TMCO5A: variants seen among roughly 807,000 people sequenced by gnomAD.
The protein encoded by TMCO5A is transmembrane and coiled-coil domain-containing protein 5A.
TMCO5A carries 34 observed loss-of-function variants against 42.3 expected under a neutral mutation model. The ratio of observed to expected loss-of-function variants is 0.80; its 90% CI spans 0.61 to 1.07. The LOEUF (loss-of-function observed/expected upper bound fraction) is 1.07, where lower values mean the gene tolerates loss of function less well. Ranked by LOEUF, TMCO5A falls within the 50% of genes least tolerant of loss-of-function variation. The pLI, the probability that TMCO5A is intolerant of heterozygous loss-of-function variation, is 0.00. For missense variants in TMCO5A, 357 were observed against 327.9 expected (o/e 1.09, Z -0.69); for synonymous variants, 131 against 115.6 (o/e 1.13, Z -0.86).
chr15:37,963,761 T>C (rs1890488637), intron 11 of TMCO5A, among the ~76,000 whole-genome samples: 1 of 152,186 alleles, frequency 6.6e-6, no homozygotes, highest in Admixed American at 6.6e-5. Flanking sequence ...TGTTTAGGAT[T>C]GTGATATTTT....
intron 10 of TMCO5A, among the ~76,000 whole-genome samples, chr15:37,946,986 G>T (rs1385466742): frequency 2.0e-5 from 3 of 151,976 alleles, no homozygotes; most frequent in Admixed American, 2.0e-4. Flanking sequence ...ATTGGCTGTG[G>T]ATTTGTCATA....
chr15:37,954,396 A>G (rs888809766), downstream of TMCO5A, among the ~76,000 whole-genome samples: 2 of 152,152 alleles, frequency 1.3e-5, no homozygotes, highest in African/African-American at 4.8e-5. Flanking sequence ...GGAGACTGCC[A>G]TGATATATTT....
intron 6 of TMCO5A, 84 bp from the exon 7 acceptor site, chr15:37,941,065 C>T (rs1889720622): frequency 3.7e-6 from 5 of 1,338,114 alleles, no homozygotes; most frequent in Non-Finnish European, 3.2e-6. Flanking sequence ...CTCCTCACAG[C>T]TCGTGAGGCC....
intron 11 of TMCO5A, among the ~76,000 whole-genome samples, chr15:37,966,131 T>C (rs1243099598): frequency 6.6e-6 from 1 of 152,144 alleles, no homozygotes; most frequent in African/African-American, 2.4e-5. Flanking sequence ...TTATGCTAAA[T>C]GAAATTACCC....
At chr15:37,950,009 T>C (rs772985376) in intron 11 of TMCO5A, among the ~76,000 whole-genome samples, 2 of 152,312 alleles carry the variant, frequency 1.3e-5, no homozygotes, top group South Asian at 4.1e-4. Context: ...CCTCACTGCA[T>C]AGACCCTTCC....
chr15:38,005,395 CA>C, the TMCO5A span, among the ~76,000 whole-genome samples: 1,983 of 43,988 alleles, frequency 0.045, 53 homozygotes, highest in African/African-American at 0.15. Flanking sequence ...CCATCTCTAC[CA>C]AAAAAAAAAA....
At chr15:37,961,416 C>A (rs1206541058) in intron 11 of TMCO5A, among the ~76,000 whole-genome samples, 1 of 152,128 alleles carries the variant, frequency 6.6e-6, no homozygotes, top group Non-Finnish European at 1.5e-5. Context: ...ATTTTTATAC[C>A]AGTACCATGC....
At chr15:37,993,063 TTC>T in the TMCO5A span, among the ~76,000 whole-genome samples, 3 of 152,148 alleles carry the variant, frequency 2.0e-5, no homozygotes, top group Admixed American at 1.3e-4. Flanking sequence ...GCTCCAAAAT[TTC>T]TTTTTAGTTT....
intron 2 of TMCO5A, among the ~76,000 whole-genome samples, chr15:37,935,566 A>T (rs907954581): frequency 6.6e-6 from 1 of 152,156 alleles, no homozygotes; most frequent in Non-Finnish European, 1.5e-5. Flanking sequence ...TCACTGTGCT[A>T]ATAGTGGTTA....
At chr15:37,970,243 A>G (rs1890648693), downstream of TMCO5A, among the ~76,000 whole-genome samples, 1 of 152,232 alleles carries the variant, frequency 6.6e-6, no homozygotes, top group Non-Finnish European at 1.5e-5. Flanking sequence ...GGGAGGCCTC[A>G]CAATCATAAT....
chr15:37,952,338 C>T (rs1890179904), downstream of TMCO5A, among the ~76,000 whole-genome samples: 1 of 152,020 alleles, frequency 6.6e-6, no homozygotes, highest in African/African-American at 2.4e-5. Flanking sequence ...TCAAGGAGGA[C>T]TCAAGTTGGG....
At position 37,936,989 on chromosome 15, in the gene TMCO5A, A is replaced by G. The variant is rs779704010; in HGVS notation, c.264+19A>G. 4 of 1,611,256 alleles carry G rather than the reference A, an allele frequency of 2.5e-6. No homozygotes were observed. The South Asian group carries it at 4.4e-5, about 18-fold the overall frequency. Reference sequence around the variant, plus strand: ...CAGACTTGTAAGCAAGAAGTTGGGAAGAGCCATTTAATAGGTTGCATTCCT... The same window carrying G: ...CAGACTTGTAAGCAAGAAGTTGGGAGGAGCCATTTAATAGGTTGCATTCCT... On this transcript the variant is annotated intron_variant, in intron 4 of 11. Coordinates refer to ENST00000319669, the MANE Select transcript of TMCO5A (RefSeq NM_152453.4).
the TMCO5A span, among the ~76,000 whole-genome samples, chr15:38,032,814 G>A: frequency 7.8e-4 from 119 of 152,102 alleles, no homozygotes; most frequent in Non-Finnish European, 1.3e-3. Context: ...CATTTTGTAT[G>A]CTTTGTGGAT....
chr15:37,958,820 G>A (rs966939698), intron 11 of TMCO5A, among the ~76,000 whole-genome samples: 1 of 151,986 alleles, frequency 6.6e-6, no homozygotes, highest in African/African-American at 2.4e-5. Context: ...ACATGCACAC[G>A]TATGTTTACT....
chr15:37,941,953 A>G (rs890613420), intron 8 of TMCO5A, among the ~76,000 whole-genome samples: 9 of 152,048 alleles, frequency 5.9e-5, no homozygotes, highest in African/African-American at 1.9e-4. Flanking sequence ...CTGTGCTGTT[A>G]AGTTAATAAT....
chr15:37,984,438 T>C, the TMCO5A span, among the ~76,000 whole-genome samples: 1 of 152,154 alleles, frequency 6.6e-6, no homozygotes, highest in Non-Finnish European at 1.5e-5. Flanking sequence ...TGTTAGAATA[T>C]TTTCTAAACA....
chr15:37,965,162 G>A (rs897827077), intron 11 of TMCO5A, among the ~76,000 whole-genome samples: 6 of 152,040 alleles, frequency 3.9e-5, no homozygotes, highest in African/African-American at 7.2e-5. Flanking sequence ...AAACACGGCC[G>A]AAAGACAGTC....
the TMCO5A span, among the ~76,000 whole-genome samples, chr15:37,999,478 A>G: frequency 6.6e-6 from 1 of 152,214 alleles, no homozygotes; most frequent in Non-Finnish European, 1.5e-5. Flanking sequence ...TCCACAAACA[A>G]GCAGAATTTG....
At chr15:37,972,377 C>T (rs1485684530), downstream of TMCO5A, among the ~76,000 whole-genome samples, 1 of 152,150 alleles carries the variant, frequency 6.6e-6, no homozygotes, top group Admixed American at 6.5e-5. Flanking sequence ...GGGGACACAG[C>T]CAAACCATAT....
Sources: allele counts gnomAD v4.1 joint callset (sites outside exome capture counted in the v4.1 genomes callset), GRCh38; gene constraint gnomAD v4.1.1; transcripts MANE v1.5; gene names NCBI Gene and HGNC (gene_info 2026-07-23, HGNC 2026-07-21).